PGM5: variants seen among roughly 807,000 people sequenced by gnomAD.
PGM5 encodes the protein phosphoglucomutase-like protein 5.
PGM5 carries 23 observed loss-of-function variants against 59.2 expected under a neutral mutation model. The ratio of observed to expected loss-of-function variants is 0.39; its 90% CI spans 0.28 to 0.55. PGM5 has a LOEUF of 0.55. Among genes scored for constraint, PGM5 ranks in the 20% least tolerant of loss-of-function variants. The pLI, the probability that PGM5 is intolerant of heterozygous loss-of-function variation, is 0.66. For missense variants in PGM5, 574 were observed against 748.3 expected, an observed-to-expected ratio of 0.77 and a Z score of 2.72; for synonymous variants, 214 against 286.0, an observed-to-expected ratio of 0.75 and a Z score of 2.54.
intron 1 of PGM5, among the ~76,000 whole-genome samples, chr9:68,362,515 A>G (rs1834595140): frequency 6.6e-6 from 1 of 152,260 alleles, no homozygotes; most frequent in African/African-American, 2.4e-5. Flanking sequence ...AAAGCAAAAG[A>G]AAAACCAATC....
chr9:68,389,379 T>C (rs1822309517), intron 4 of PGM5, among the ~76,000 whole-genome samples: 2 of 152,098 alleles, frequency 1.3e-5, no homozygotes, highest in South Asian at 2.1e-4. Flanking sequence ...AAAGAGCTTT[T>C]GGCAGCCCTT....
rs529000943 is a variant in PGM5 at position 68,488,537 on chromosome 9, C to A, written c.1479+4489C>A. ...GACCATTCAAGGAGCAAGAAGGAAA[C>A]CCTGAAGTTCTCAACCCCTGACATG... On this transcript the variant is annotated intron_variant, in intron 9 of 10. Transcript: ENST00000396396. Among the ~76,000 whole-genome samples the A allele has an allele frequency of 4.6e-5, 7 of 152,326 alleles. No individual in the cohort carries two copies. The South Asian group carries it at 1.2e-3, about 27-fold the overall frequency.
chr9:68,479,692 T>C, intron 8 of PGM5, 139 bp downstream of exon 8: 2 of 711,556 alleles, frequency 2.8e-6, no homozygotes. Context: ...CCCAGCACTT[T>C]GGGAGGCCGA....
chr9:68,399,636 A>AT (rs557358893), intron 6 of PGM5, among the ~76,000 whole-genome samples: 1,437 of 142,986 alleles, frequency 0.01, 14 homozygotes, highest in African/African-American at 0.03. Flanking sequence ...TCCTTTGACC[A>AT]TTTTTTTTTT....
rs372068804 is a variant in PGM5 at position 68,460,936 on chromosome 9, A to G, written c.1044-4157A>G. Among the ~76,000 whole-genome samples the G allele has an allele frequency of 3.0e-4, 46 of 152,306 alleles. 1 individual carries two copies. In the South Asian group the frequency reaches 7.9e-3, roughly 26 times the overall value. On this transcript the variant is annotated intron_variant, in intron 6 of 10. Coordinates refer to ENST00000396396, the MANE Select transcript of PGM5 (RefSeq NM_021965.4). Reference sequence around the variant, plus strand: ...GCATATTCAAGAACAATGTGAACATAAAGACCCATACCACGGAAGCTCCGC... The same window carrying G: ...GCATATTCAAGAACAATGTGAACATGAAGACCCATACCACGGAAGCTCCGC...
rs1823134353 is a variant in PGM5, at chr9:68,421,774, A to G, written c.1043+29301A>G. ...ACTTAGAGCTGATTCTGCTTTCCTG[A>G]CTGGCCCCTGACTGATTCCAGATGC... On this transcript the variant is annotated intron_variant, in intron 6 of 10. Coordinates refer to ENST00000396396, the MANE Select transcript of PGM5 (RefSeq NM_021965.4). Among the ~76,000 whole-genome samples the G allele has an allele frequency of 3.3e-5, 5 of 151,934 alleles. No homozygotes were observed. The South Asian group carries it at 1.0e-3, about 32-fold the overall frequency.
chr9:68,371,140 C>T (rs1554677134), intron 1 of PGM5, among the ~76,000 whole-genome samples: 2 of 152,170 alleles, frequency 1.3e-5, no homozygotes, highest in Non-Finnish European at 2.9e-5. Flanking sequence ...ATGGCAGTAG[C>T]ATCCACTTGG....
At chr9:68,381,849 T>A (rs1323236406) in intron 2 of PGM5, among the ~76,000 whole-genome samples, 1 of 151,836 alleles carries the variant, frequency 6.6e-6, no homozygotes, top group African/African-American at 2.4e-5. Context: ...GGGGTGAAAG[T>A]ATACTGAAAA....
At chr9:68,408,846 G>A (rs1256837300) in intron 6 of PGM5, among the ~76,000 whole-genome samples, 2 of 152,020 alleles carry the variant, frequency 1.3e-5, no homozygotes, top group African/African-American at 2.4e-5. Flanking sequence ...TTTCCCCATC[G>A]CTTTTTTTTT....
intron 9 of PGM5, among the ~76,000 whole-genome samples, chr9:68,493,966 A>G (rs1447972485): frequency 6.6e-6 from 1 of 152,232 alleles, no homozygotes; most frequent in African/African-American, 2.4e-5. Context: ...CTCGACTGTC[A>G]TCATTAAAGC....
chr9:68,424,748 A>G (rs1219109466), intron 6 of PGM5, among the ~76,000 whole-genome samples: 1 of 152,242 alleles, frequency 6.6e-6, no homozygotes, highest in Non-Finnish European at 1.5e-5. Context: ...AGGACTACAG[A>G]ATGTAGCATT....
chr9:68,444,939 A>G (rs1823588600), intron 6 of PGM5, among the ~76,000 whole-genome samples: 1 of 152,192 alleles, frequency 6.6e-6, no homozygotes, highest in Admixed American at 6.5e-5. Flanking sequence ...ATTGGCCTTC[A>G]GCTGGCATTA....
At chr9:68,401,911 GTGTGTGTGTGTGTGTGTGTA>G in intron 6 of PGM5, among the ~76,000 whole-genome samples, 2 of 149,608 alleles carry the variant, frequency 1.3e-5, no homozygotes, top group African/African-American at 2.5e-5. Context: ...GTGTGTGTGT[GTGTGTGTGTGTGTGTGTGTA>G]TATATTTGTC....
chr9:68,525,555 G>A (rs988125440), intron 10 of PGM5, among the ~76,000 whole-genome samples: 1 of 152,060 alleles, frequency 6.6e-6, no homozygotes, highest in African/African-American at 2.4e-5. Context: ...TGATGGTGCT[G>A]GGACATTTGG....
intron 10 of PGM5, among the ~76,000 whole-genome samples, chr9:68,500,706 A>G (rs375653278): frequency 1.3e-5 from 2 of 152,308 alleles, no homozygotes; most frequent in African/African-American, 4.8e-5. Context: ...GGGAGATTAA[A>G]GCAGGGGCCT....
At chr9:68,436,208 C>T (rs1823438433) in intron 6 of PGM5, among the ~76,000 whole-genome samples, 1 of 152,212 alleles carries the variant, frequency 6.6e-6, no homozygotes, top group Admixed American at 6.5e-5. Flanking sequence ...TAGCCTATTA[C>T]AAACTGGTCA....
chr9:68,507,994 C>T (rs1554689113), intron 10 of PGM5, among the ~76,000 whole-genome samples: 1 of 152,156 alleles, frequency 6.6e-6, no homozygotes, highest in East Asian at 1.9e-4. Flanking sequence ...GGGCTTTTTA[C>T]AGTTTTGATG....
intron 4 of PGM5, among the ~76,000 whole-genome samples, chr9:68,389,189 T>TA (rs1259951682): frequency 2.6e-5 from 4 of 152,104 alleles, no homozygotes; most frequent in South Asian, 2.1e-4. Flanking sequence ...TTCTCTCTTG[T>TA]AAAAACGCAT....
Position 68,357,024 on chromosome 9 carries a change from C to T in PGM5, c.-104C>T. ...CGACCTGCTGGAGAGGGGGCCCGGG[C>T]GCGAGGCGGAGTCCCGGCGCGCAGC... On this transcript the variant is annotated 5_prime_UTR_variant, in exon 1 of 11. Coordinates refer to ENST00000396396, the MANE Select transcript of PGM5 (RefSeq NM_021965.4). 4.1e-6 allele frequency: 5 copies of T among 1,208,528 alleles called. No individual in the cohort carries two copies. The highest frequency in any genetic ancestry group is 5.4e-6 in the Non-Finnish European group (5 of 921,300). The allele number at this position is 1,208,528 out of a possible 1,614,324, so 74.9% of individuals were successfully genotyped here.
Sources: gnomAD v4.1 joint callset for allele counts (sites outside exome capture counted in the v4.1 genomes callset) on GRCh38, gnomAD v4.1.1 for gene constraint, MANE v1.5 for transcripts, NCBI Gene and HGNC (gene_info 2026-07-23, HGNC 2026-07-21) for gene names.